NAALADL2: variants seen among roughly 807,000 people sequenced by gnomAD.
The protein encoded by NAALADL2 is inactive N-acetylated-alpha-linked acidic dipeptidase-like protein 2.
Under a neutral mutation model 87.2 loss-of-function variants are expected in NAALADL2, and 76 were observed. That is an observed-to-expected ratio of 0.87 (90% CI 0.72 to 1.05). NAALADL2 has a LOEUF of 1.05. Among genes scored for constraint, NAALADL2 ranks in the 50% least tolerant of loss-of-function variants. The pLI, the probability that NAALADL2 is intolerant of heterozygous loss-of-function variation, is 0.00. For missense variants in NAALADL2, 1,089 were observed against 945.8 expected (o/e 1.15, Z -1.99); for synonymous variants, 354 against 331.0 (o/e 1.07, Z -0.75).
At chr3:175,513,113 A>G (rs768011657) in intron 9 of NAALADL2, among the ~76,000 whole-genome samples, 21 of 152,204 alleles carry the variant, frequency 1.4e-4, no homozygotes, top group Non-Finnish European at 2.4e-4. Context: ...AGGAAGTAGA[A>G]GTGAATAGCA....
At chr3:175,787,086 T>C (rs3114971) in intron 13 of NAALADL2, among the ~76,000 whole-genome samples, 60,634 of 150,054 alleles carry the variant, frequency 0.4, 15,790 homozygotes, top group African/African-American at 0.73. Context: ...TCTCCAGCTG[T>C]GTGCTGGGAG....
chr3:175,773,200 C>T (rs1749740189), intron 13 of NAALADL2: 1 of 152,070 alleles, frequency 6.6e-6, no homozygotes, highest in South Asian at 2.1e-4. Flanking sequence ...TTAACCTTCT[C>T]TTGTTGATTG....
At chr3:175,195,494 G>A (rs1469840429) in intron 2 of NAALADL2, among the ~76,000 whole-genome samples, 1 of 151,792 alleles carries the variant, frequency 6.6e-6, no homozygotes, top group African/African-American at 2.4e-5. Context: ...AGACCCAAAG[G>A]AATAAATGGA....
Position 174,576,657 on chromosome 3 carries a change from A to C in NAALADL2, c.-115+26020A>C, listed in dbSNP as rs372078211. ...TTCTTATGTGCTTTAAATTTAAACA[A>C]ACCCTTAGGGAACACAGCCATTCTG... is the stretch of plus-strand genomic sequence containing the variant. On this transcript the variant is annotated intron_variant, in intron 2 of 3. Transcript: ENST00000434257. Among the ~76,000 whole-genome samples the C allele has an allele frequency of 4.6e-5, 7 of 152,304 alleles. No homozygotes were observed. The East Asian group carries it at 9.7e-4, about 21-fold the overall frequency.
intron 2 of NAALADL2, among the ~76,000 whole-genome samples, chr3:174,655,554 G>T (rs968296345): frequency 6.6e-6 from 1 of 152,292 alleles, no homozygotes; most frequent in African/African-American, 2.4e-5. Context: ...CGTTAATAAT[G>T]AAGCACTTCA....
intron 1 of NAALADL2, among the ~76,000 whole-genome samples, chr3:174,974,557 A>T (rs529654851): frequency 6.6e-6 from 1 of 152,212 alleles, no homozygotes; most frequent in African/African-American, 2.4e-5. Flanking sequence ...GGACAGGCAC[A>T]TAGTAGGAAT....
intron 1 of NAALADL2, among the ~76,000 whole-genome samples, chr3:174,962,634 C>T (rs1292759808): frequency 6.6e-6 from 1 of 151,800 alleles, no homozygotes; most frequent in Non-Finnish European, 1.5e-5. Flanking sequence ...CGAGGACGGA[C>T]TCTTACCTCA....
intron 1 of NAALADL2, among the ~76,000 whole-genome samples, chr3:174,965,582 T>C (rs569270529): frequency 6.6e-6 from 1 of 152,164 alleles, no homozygotes; most frequent in South Asian, 2.1e-4. Context: ...AAATTAGATA[T>C]ACAATGAAAT....
At chr3:175,596,895 T>C (rs1722315636) in intron 10 of NAALADL2, among the ~76,000 whole-genome samples, 1 of 151,974 alleles carries the variant, frequency 6.6e-6, no homozygotes, top group Non-Finnish European at 1.5e-5. Flanking sequence ...AAAAATTACC[T>C]GTCACATTAT....
intron 2 of NAALADL2, among the ~76,000 whole-genome samples, chr3:174,655,234 C>T (rs956521019): frequency 6.6e-6 from 1 of 152,050 alleles, no homozygotes; most frequent in Non-Finnish European, 1.5e-5. Flanking sequence ...GAACAACAGT[C>T]ATTTAAATTA....
chr3:174,913,060 T>C (rs1242923157), intron 1 of NAALADL2, among the ~76,000 whole-genome samples: 1 of 152,158 alleles, frequency 6.6e-6, no homozygotes, highest in Non-Finnish European at 1.5e-5. Flanking sequence ...AAAATTGCCT[T>C]TGGGCATATT....
At chr3:175,218,198 A>G (rs1742842311) in intron 2 of NAALADL2, 1 of 372,286 alleles carries the variant, frequency 2.7e-6, no homozygotes, top group South Asian at 2.1e-5. Flanking sequence ...GTTAGTTTAT[A>G]TATTATGTAA....
intron 13 of NAALADL2, among the ~76,000 whole-genome samples, chr3:175,795,400 G>A (rs768089804): frequency 1.1e-4 from 16 of 152,072 alleles, no homozygotes; most frequent in Admixed American, 3.3e-4. Context: ...GTCAATGGGC[G>A]CGATGGCTCA....
intron 2 of NAALADL2, among the ~76,000 whole-genome samples, chr3:175,172,325 T>C (rs1485768952): frequency 1.3e-5 from 2 of 152,080 alleles, no homozygotes; most frequent in Non-Finnish European, 2.9e-5. Context: ...TTTGACCAGA[T>C]CCAACAACTG....
intron 3 of NAALADL2, among the ~76,000 whole-genome samples, chr3:174,844,907 A>C (rs1050475998): frequency 8.6e-6 from 1 of 116,440 alleles, no homozygotes; most frequent in African/African-American, 3.4e-5. Context: ...CTGCAGGGGT[A>C]TGAAGCCTCC....
chr3:175,012,973 A>T (rs1750050932), intron 1 of NAALADL2, among the ~76,000 whole-genome samples: 1 of 139,418 alleles, frequency 7.2e-6, no homozygotes, highest in South Asian at 2.1e-4. Context: ...GTGTGTATAT[A>T]TATATACACA....
chr3:175,447,456 A>G, intron 6 of NAALADL2, 84 bp downstream of exon 6: 5 of 862,122 alleles, frequency 5.8e-6, no homozygotes, highest in Non-Finnish European at 6.5e-6. Flanking sequence ...TGATGTATGT[A>G]GGATTATTCT....
At chr3:175,262,859 CTT>C (rs1388099048) in intron 4 of NAALADL2, among the ~76,000 whole-genome samples, 1 of 151,786 alleles carries the variant, frequency 6.6e-6, no homozygotes, top group Non-Finnish European at 1.5e-5. Context: ...AAACTTGCCT[CTT>C]TTTTTATTAA....
At chr3:174,797,298 C>CTTTTTTTTTTGTTTTTTTTTT (rs765233495) in intron 3 of NAALADL2, among the ~76,000 whole-genome samples, 1 of 97,728 alleles carries the variant, frequency 1.0e-5, no homozygotes, top group Non-Finnish European at 1.9e-5. Context: ...TTTTGTTTTT[C>CTTTTTTTTTTGTTTTTTTTTT]TTTTTTCTTT....
Sources: allele counts gnomAD v4.1 joint callset (sites outside exome capture counted in the v4.1 genomes callset), GRCh38; gene constraint gnomAD v4.1.1; transcripts MANE v1.5; gene names NCBI Gene and HGNC (gene_info 2026-07-23, HGNC 2026-07-21).